Variants in SERGEF observed in about 807,000 individuals in gnomAD.
SERGEF encodes secretion regulating guanine nucleotide exchange factor, also known as secretion-regulating guanine nucleotide exchange factor.
SERGEF carries 51 observed loss-of-function variants against 50.0 expected under a neutral mutation model. The ratio of observed to expected loss-of-function variants is 1.02; its 90% CI spans 0.81 to 1.29. The LOEUF (loss-of-function observed/expected upper bound fraction) is 1.29, where lower values mean the gene tolerates loss of function less well. Among genes scored for constraint, SERGEF ranks in the 50% most tolerant of loss-of-function variants. The probability of loss-of-function intolerance (pLI) is 0.00; values close to 1 mark genes in which losing one functional copy is unlikely to be tolerated. For missense variants in SERGEF, 521 were observed against 557.0 expected (o/e 0.94, Z 0.65); for synonymous variants, 205 against 212.4 (o/e 0.97, Z 0.30).
intron 9 of SERGEF, among the ~76,000 whole-genome samples, chr11:17,943,852 A>G (rs570902364): frequency 2.6e-5 from 4 of 152,216 alleles, no homozygotes; most frequent in Non-Finnish European, 5.9e-5. Context: ...CCTGTTTACA[A>G]TTAACTCATA....
In SERGEF at chr11:17,946,243, A is replaced by G. The variant is rs535200557; in HGVS notation, c.1011+13227T>C. On this transcript the variant is annotated intron_variant, in intron 9 of 10. Transcript: ENST00000265965. Reference sequence around the variant, plus strand: ...GGTTTTGCAGTAGGATCAGGGTTTTACTAGCAACTTTGTCATTTACTAATC... The same window carrying G: ...GGTTTTGCAGTAGGATCAGGGTTTTGCTAGCAACTTTGTCATTTACTAATC... Among the ~76,000 whole-genome samples, 4 of 152,318 alleles carry G rather than the reference A, an allele frequency of 2.6e-5. No individual in the cohort carries two copies. In the South Asian group the frequency reaches 8.3e-4, roughly 32 times the overall value.
At chr11:17,906,452 A>T (rs1565200813) in intron 9 of SERGEF, among the ~76,000 whole-genome samples, 2 of 152,064 alleles carry the variant, frequency 1.3e-5, no homozygotes, top group Non-Finnish European at 2.9e-5. Flanking sequence ...CAGAAGGCAA[A>T]ATGGCCACAG....
intron 10 of SERGEF, among the ~76,000 whole-genome samples, chr11:17,806,151 G>A (rs1849754934): frequency 6.6e-6 from 1 of 152,190 alleles, no homozygotes; most frequent in South Asian, 2.1e-4. Context: ...CTAGACAGAA[G>A]TATAGAGCCC....
At chr11:17,948,909 C>T (rs1852721093) in intron 9 of SERGEF, among the ~76,000 whole-genome samples, 1 of 152,244 alleles carries the variant, frequency 6.6e-6, no homozygotes, top group Non-Finnish European at 1.5e-5. Flanking sequence ...TGACACCAGA[C>T]ATCCAGTAAA....
At chr11:17,881,475 A>T (rs910351204) in intron 9 of SERGEF, among the ~76,000 whole-genome samples, 2 of 152,214 alleles carry the variant, frequency 1.3e-5, no homozygotes, top group Non-Finnish European at 2.9e-5. Context: ...AGGCTGCAAA[A>T]TCCCAGTGTT....
rs529607694 is a variant in SERGEF at position 17,829,082 on chromosome 11, C to T, written c.1049-40669G>A. ...AATCAATCACAGAGGAAGTGTTTTC[C>T]AGTTAATATGGCACAAAGAAACCTA... is the stretch of plus-strand genomic sequence containing the variant. On this transcript the variant is annotated intron_variant, in intron 10 of 10. Coordinates refer to ENST00000265965, the MANE Select transcript of SERGEF (RefSeq NM_012139.4). Among the ~76,000 whole-genome samples the T allele has an allele frequency of 2.2e-3, 332 of 152,300 alleles. 1 individual carries two copies. The highest frequency in any genetic ancestry group is 7.6e-3 in the African/African-American group (315 of 41,564).
At chr11:17,815,475 C>T (rs1849955814) in intron 10 of SERGEF, among the ~76,000 whole-genome samples, 1 of 148,694 alleles carries the variant, frequency 6.7e-6, no homozygotes, top group Non-Finnish European at 1.5e-5. Context: ...ATTAGCCGGG[C>T]GTGGTGGCAC....
intron 5 of SERGEF, 97 bp downstream of exon 5, chr11:18,000,400 G>C: frequency 2.6e-6 from 2 of 777,938 alleles, no homozygotes; most frequent in Non-Finnish European, 4.1e-6. Flanking sequence ...AGCAAGCTAT[G>C]ATCGAGCCAC....
intron 9 of SERGEF, among the ~76,000 whole-genome samples, chr11:17,933,715 CAA>C (rs5790009): frequency 1.4e-4 from 20 of 140,106 alleles, no homozygotes; most frequent in Non-Finnish European, 1.9e-4. Context: ...TTAAATTAGG[CAA>C]AAAAAAAAAA....
chr11:17,891,312 C>T (rs1356420534), intron 9 of SERGEF, among the ~76,000 whole-genome samples: 1 of 152,178 alleles, frequency 6.6e-6, no homozygotes, highest in Non-Finnish European at 1.5e-5. Context: ...AAGATCCATA[C>T]TTGCAATTTG....
chr11:17,908,529 A>G (rs1851894159), intron 9 of SERGEF, among the ~76,000 whole-genome samples: 2 of 152,068 alleles, frequency 1.3e-5, no homozygotes, highest in African/African-American at 4.8e-5. Context: ...CTCCACAAAC[A>G]TCTTATGTTT....
In SERGEF at chr11:17,888,982, A is replaced by C. The variant is rs893761645; in HGVS notation, c.1012-10738T>G. 2.0e-5 allele frequency among the ~76,000 whole-genome samples: 3 copies of C among 152,216 alleles called. No homozygotes were observed. The highest frequency in any genetic ancestry group is 7.2e-5 in the African/African-American group (3 of 41,454). Reference sequence around the variant, plus strand: ...GAGAACTTGAGCTCCAAAATGAATAATGACAGTAGATTATAGCCCATTGAA... The same window carrying C: ...GAGAACTTGAGCTCCAAAATGAATACTGACAGTAGATTATAGCCCATTGAA... On this transcript the variant is annotated intron_variant, in intron 9 of 10. Coordinates refer to ENST00000265965, the MANE Select transcript of SERGEF (RefSeq NM_012139.4). This position sits in a 1 kb window ranked among gnomAD's most constrained non-coding sequence, Gnocchi z 4.1.
At chr11:17,878,312 T>G in intron 9 of SERGEF, 68 bp from the exon 10 acceptor site, 1 of 1,267,382 alleles carries the variant, frequency 7.9e-7, no homozygotes, top group Non-Finnish European at 1.1e-6. Flanking sequence ...TAATCATAGT[T>G]CTTTTCTAAT....
chr11:17,866,840 A>G (rs1480610553), intron 10 of SERGEF: 4 of 152,194 alleles, frequency 2.6e-5, no homozygotes, highest in African/African-American at 7.2e-5. Flanking sequence ...AGACAAGGAG[A>G]AGCAAGTCAC....
chr11:18,002,695 CATTTAA>C (rs1853990892), intron 4 of SERGEF, among the ~76,000 whole-genome samples: 1 of 152,188 alleles, frequency 6.6e-6, no homozygotes, highest in Non-Finnish European at 1.5e-5. Flanking sequence ...CATGGTATTA[CATTTAA>C]GTATTTATGT....
At chr11:17,877,969 T>C (rs1851267965) in intron 10 of SERGEF, 1 of 421,810 alleles carries the variant, frequency 2.4e-6, no homozygotes, top group Non-Finnish European at 4.2e-6. Flanking sequence ...CAAATGCCAC[T>C]TCCCGGGCAG....
chr11:17,921,201 C>T (rs1852149826), intron 9 of SERGEF, among the ~76,000 whole-genome samples: 1 of 152,154 alleles, frequency 6.6e-6, no homozygotes, highest in South Asian at 2.1e-4. Flanking sequence ...GTACTCAATG[C>T]TAAACTGTGA....
intron 10 of SERGEF, among the ~76,000 whole-genome samples, chr11:17,842,460 G>A (rs1850521966): frequency 6.6e-6 from 1 of 152,164 alleles, no homozygotes; most frequent in South Asian, 2.1e-4. Flanking sequence ...TACTTACCAT[G>A]CATTAGGCGT....
At chr11:17,877,092 G>A (rs1454644403) in intron 10 of SERGEF, among the ~76,000 whole-genome samples, 1 of 152,372 alleles carries the variant, frequency 6.6e-6, no homozygotes, top group East Asian at 1.9e-4. Flanking sequence ...AAAAGAATGT[G>A]TGAGTCTCTG....
Sources: allele counts gnomAD v4.1 joint callset (sites outside exome capture counted in the v4.1 genomes callset), GRCh38; gene constraint gnomAD v4.1.1; non-coding constraint Gnocchi (gnomAD v3.1); transcripts MANE v1.5; gene names NCBI Gene and HGNC (gene_info 2026-07-23, HGNC 2026-07-21).